PRKD1: variants seen among roughly 807,000 people sequenced by gnomAD.
PRKD1 encodes the protein serine/threonine-protein kinase D1.
Under a neutral mutation model 95.9 loss-of-function variants are expected in PRKD1, and 63 were observed. The observed-to-expected ratio is 0.66, with a 90% CI of 0.54 to 0.81. The LOEUF is 0.81. Ranked by LOEUF, PRKD1 falls within the 30% of genes least tolerant of loss-of-function variation. The pLI is 0.00. For synonymous variants in PRKD1, 425 were observed against 423.1 expected, an observed-to-expected ratio of 1.00 and a Z score of -0.05; for missense variants, 1,048 against 1,165.3, an observed-to-expected ratio of 0.90 and a Z score of 1.47.
chr14:29,756,006 C>T (rs544591769), intron 1 of PRKD1, among the ~76,000 whole-genome samples: 1 of 152,154 alleles, frequency 6.6e-6, no homozygotes, highest in Non-Finnish European at 1.5e-5. Context: ...TTGTGACACT[C>T]CTGTTTCATA....
At chr14:29,655,136 T>C (rs1419735143) in intron 4 of PRKD1, among the ~76,000 whole-genome samples, 1 of 152,232 alleles carries the variant, frequency 6.6e-6, no homozygotes, top group Non-Finnish European at 1.5e-5. Context: ...TTTGGCTTCA[T>C]GCCCAAAGGA....
At chr14:29,661,429 A>G (rs1455050934) in intron 4 of PRKD1, among the ~76,000 whole-genome samples, 1 of 152,124 alleles carries the variant, frequency 6.6e-6, no homozygotes, top group East Asian at 1.9e-4. Flanking sequence ...CTTTTAAACT[A>G]TAGTTATTGG....
intron 1 of PRKD1, among the ~76,000 whole-genome samples, chr14:29,806,254 C>G (rs893388324): frequency 6.6e-6 from 1 of 152,202 alleles, no homozygotes; most frequent in Non-Finnish European, 1.5e-5. Context: ...CTTCTTCCTA[C>G]AGGATGGATT....
chr14:29,622,854 T>C (rs1879370232), intron 13 of PRKD1, among the ~76,000 whole-genome samples: 1 of 152,152 alleles, frequency 6.6e-6, no homozygotes, highest in Non-Finnish European at 1.5e-5. Flanking sequence ...GATGTAACCA[T>C]GTTAACCATG....
At chr14:29,724,868 C>G (rs999907220) in intron 2 of PRKD1, among the ~76,000 whole-genome samples, 3 of 152,198 alleles carry the variant, frequency 2.0e-5, no homozygotes, top group Non-Finnish European at 4.4e-5. Flanking sequence ...GATCTCCACT[C>G]TAGCTGTTGT....
intron 2 of PRKD1, among the ~76,000 whole-genome samples, chr14:29,712,577 T>C (rs1439046708): frequency 1.3e-5 from 2 of 152,198 alleles, no homozygotes; most frequent in African/African-American, 4.8e-5. Context: ...AAGCCTGAAG[T>C]CAGCACTGGT....
intron 1 of PRKD1, among the ~76,000 whole-genome samples, chr14:29,762,942 C>A (rs1888067119): frequency 6.6e-6 from 1 of 151,856 alleles, no homozygotes; most frequent in Non-Finnish European, 1.5e-5. Flanking sequence ...TGGGGTTTCA[C>A]CATGTTGCCC....
chr14:29,839,462 G>C (rs1374497498), intron 1 of PRKD1, among the ~76,000 whole-genome samples: 1 of 152,200 alleles, frequency 6.6e-6, no homozygotes, highest in African/African-American at 2.4e-5. Context: ...CAAAGGCAAA[G>C]TTCATGGCAA....
intron 1 of PRKD1, among the ~76,000 whole-genome samples, chr14:29,740,354 A>G (rs1409954187): frequency 6.6e-6 from 1 of 152,218 alleles, no homozygotes; most frequent in Non-Finnish European, 1.5e-5. Context: ...GCAACTAAAA[A>G]AGTTTAACCA....
intron 2 of PRKD1, among the ~76,000 whole-genome samples, chr14:29,692,583 G>T (rs1454379981): frequency 6.6e-6 from 1 of 151,958 alleles, no homozygotes; most frequent in South Asian, 2.1e-4. Flanking sequence ...TTTGGTAAGA[G>T]GGAGAAATCT....
intron 1 of PRKD1, among the ~76,000 whole-genome samples, chr14:29,814,265 A>C (rs1291767567): frequency 6.6e-6 from 1 of 152,162 alleles, no homozygotes; most frequent in Non-Finnish European, 1.5e-5. Context: ...TGCCAACCCC[A>C]GTCAGGTGTA....
intron 8 of PRKD1, among the ~76,000 whole-genome samples, chr14:29,633,519 C>G (rs573215100): frequency 6.6e-6 from 1 of 152,282 alleles, no homozygotes; most frequent in Non-Finnish European, 1.5e-5. Flanking sequence ...TACCTTCTCT[C>G]CAGCTCACTA....
intron 1 of PRKD1, among the ~76,000 whole-genome samples, chr14:29,777,610 T>G (rs544924344): frequency 6.6e-5 from 10 of 152,152 alleles, no homozygotes; most frequent in Admixed American, 6.5e-4. Context: ...TAAATATATA[T>G]GAACCCAATA....
chr14:29,903,781 T>C (rs1045102158), intron 1 of PRKD1, among the ~76,000 whole-genome samples: 3 of 152,226 alleles, frequency 2.0e-5, no homozygotes, highest in African/African-American at 7.2e-5. Context: ...GGCTGGGTAC[T>C]GAAGATGGTA....
At chr14:29,773,453 C>T (rs1888598302) in intron 1 of PRKD1, among the ~76,000 whole-genome samples, 1 of 127,908 alleles carries the variant, frequency 7.8e-6, no homozygotes, top group Non-Finnish European at 1.6e-5. Flanking sequence ...GAGCGAGGCT[C>T]TGTCTCAAAA....
At chr14:29,905,800 G>A (rs755709538) in intron 1 of PRKD1, among the ~76,000 whole-genome samples, 11 of 152,152 alleles carry the variant, frequency 7.2e-5, no homozygotes, top group Non-Finnish European at 1.3e-4. Flanking sequence ...TTTGGGAAAC[G>A]ACAGATTAAT....
At chr14:29,669,301 CA>C (rs1290943438) in intron 2 of PRKD1, among the ~76,000 whole-genome samples, 1 of 152,126 alleles carries the variant, frequency 6.6e-6, no homozygotes, top group South Asian at 2.1e-4. Flanking sequence ...TCAACTTTTA[CA>C]AAAGTCAGTG....
intron 10 of PRKD1, 79 bp from the exon 11 acceptor site, chr14:29,629,172 C>A: frequency 2.6e-6 from 3 of 1,166,274 alleles, no homozygotes; most frequent in East Asian, 2.7e-5. Flanking sequence ...TACATGCTTA[C>A]AAATCATCCT....
chr14:29,862,711 AT>A (rs1892752522), intron 1 of PRKD1, among the ~76,000 whole-genome samples: 1 of 152,160 alleles, frequency 6.6e-6, no homozygotes, highest in Non-Finnish European at 1.5e-5. Context: ...TAATCAGATA[AT>A]TAGATTTTTT....
Sources: allele counts gnomAD v4.1 joint callset (sites outside exome capture counted in the v4.1 genomes callset), GRCh38; gene constraint gnomAD v4.1.1; transcripts MANE v1.5; gene names NCBI Gene and HGNC (gene_info 2026-07-23, HGNC 2026-07-21).